NEMP2: variants seen among roughly 807,000 people sequenced by gnomAD.
The protein encoded by NEMP2 is nuclear envelope integral membrane protein 2.
NEMP2 carries 53 observed loss-of-function variants against 54.2 expected under a neutral mutation model. The ratio of observed to expected loss-of-function variants is 0.98; its 90% CI spans 0.78 to 1.23. NEMP2 has a LOEUF of 1.23. Ranked by LOEUF, NEMP2 falls within the 50% of genes most tolerant of loss-of-function variation. The probability of loss-of-function intolerance (pLI) is 0.00; values close to 1 mark genes in which losing one functional copy is unlikely to be tolerated. For synonymous variants in NEMP2, 197 were observed against 190.3 expected (o/e 1.04, Z -0.29); for missense variants, 455 against 511.3 (o/e 0.89, Z 1.06).
chr2:190,463,787 T>C, the NEMP2 span: 18 of 798,106 alleles, frequency 2.3e-5, no homozygotes, highest in Non-Finnish European at 2.7e-5. This position sits in a 1 kb window ranked among gnomAD's most constrained non-coding sequence, Gnocchi z 4.4. Context: ...GCTACTGCAC[T>C]CCAGCCTGGG....
chr2:190,538,318 G>A (rs890779772), upstream of NEMP2, among the ~76,000 whole-genome samples: 1 of 151,918 alleles, frequency 6.6e-6, no homozygotes, highest in African/African-American at 2.4e-5. The surrounding 1 kb of genome is among the most constrained non-coding windows in gnomAD (Gnocchi z 4.1). Context: ...TTTTTTTTAT[G>A]GCTGAATAAT....
chr2:190,561,221 C>T, the NEMP2 span, among the ~76,000 whole-genome samples: 1 of 152,144 alleles, frequency 6.6e-6, no homozygotes, highest in Non-Finnish European at 1.5e-5. This position sits in a 1 kb window ranked among gnomAD's most constrained non-coding sequence, Gnocchi z 5.4. Flanking sequence ...CTCCAATCAT[C>T]CTACTTGAGA....
the NEMP2 span, among the ~76,000 whole-genome samples, chr2:190,623,961 C>A: frequency 6.6e-6 from 1 of 152,206 alleles, no homozygotes; most frequent in South Asian, 2.1e-4. Context: ...TAGAAAGATT[C>A]AACTCTATAG....
chr2:190,545,799 T>C, the NEMP2 span, among the ~76,000 whole-genome samples: 2 of 152,212 alleles, frequency 1.3e-5, no homozygotes, highest in Non-Finnish European at 2.9e-5. Context: ...TCTCTTTCTT[T>C]TTCTTTTTTA....
At chr2:190,438,174 C>A in the NEMP2 span, among the ~76,000 whole-genome samples, 6 of 150,224 alleles carry the variant, frequency 4.0e-5, no homozygotes, top group East Asian at 1.2e-3. The surrounding 1 kb of genome is among the most constrained non-coding windows in gnomAD (Gnocchi z 5.2). Flanking sequence ...ATTTGAAAAT[C>A]TTTCTTCCAC....
At chr2:190,588,139 T>C in the NEMP2 span, among the ~76,000 whole-genome samples, 1 of 152,134 alleles carries the variant, frequency 6.6e-6, no homozygotes. The surrounding 1 kb of genome is among the most constrained non-coding windows in gnomAD (Gnocchi z 5.0). Flanking sequence ...TTAAATCCAG[T>C]TGGAGATGGC....
the NEMP2 span, among the ~76,000 whole-genome samples, chr2:190,568,858 A>C: frequency 1.3e-5 from 2 of 152,122 alleles, no homozygotes; most frequent in Non-Finnish European, 2.9e-5. The surrounding 1 kb of genome is among the most constrained non-coding windows in gnomAD (Gnocchi z 4.7). Context: ...AAAACTCAAT[A>C]ATTATCAGAG....
the NEMP2 span, among the ~76,000 whole-genome samples, chr2:190,460,595 A>T: frequency 6.6e-6 from 1 of 152,256 alleles, no homozygotes. Flanking sequence ...GCATAATATG[A>T]AAGTCCTCAC....
chr2:190,624,128 T>TG, the NEMP2 span, among the ~76,000 whole-genome samples: 1 of 151,934 alleles, frequency 6.6e-6, no homozygotes, highest in African/African-American at 2.4e-5. Flanking sequence ...AAAAAGGAGT[T>TG]GGGGGGCAAA....
the NEMP2 span, among the ~76,000 whole-genome samples, chr2:190,466,017 C>T: frequency 3.3e-5 from 5 of 152,186 alleles, no homozygotes; most frequent in South Asian, 2.1e-4. Context: ...GCAAAAAGTC[C>T]GAGATCAATT....
At chr2:190,497,439 A>G in the NEMP2 span, 1 of 1,613,060 alleles carries the variant, frequency 6.2e-7, no homozygotes, top group East Asian at 2.2e-5. The surrounding 1 kb of genome is among the most constrained non-coding windows in gnomAD (Gnocchi z 5.2). Context: ...TTCTCTCCAG[A>G]CAAGACAATG....
chr2:190,615,243 C>G, the NEMP2 span, among the ~76,000 whole-genome samples: 2 of 152,152 alleles, frequency 1.3e-5, no homozygotes, highest in Non-Finnish European at 1.5e-5. The surrounding 1 kb of genome is among the most constrained non-coding windows in gnomAD (Gnocchi z 4.7). Context: ...TGCTCCTGAC[C>G]GAGAAGCTAC....
At chr2:190,475,488 G>A in the NEMP2 span, among the ~76,000 whole-genome samples, 4 of 152,034 alleles carry the variant, frequency 2.6e-5, no homozygotes, top group African/African-American at 9.7e-5. Flanking sequence ...AAAATACCTA[G>A]GAATCCAACT....
At chr2:190,580,343 T>C in the NEMP2 span, among the ~76,000 whole-genome samples, 3 of 152,144 alleles carry the variant, frequency 2.0e-5, no homozygotes. This position sits in a 1 kb window ranked among gnomAD's most constrained non-coding sequence, Gnocchi z 5.3. Context: ...TAGTGGCGAA[T>C]ATAAGAGTTC....
chr2:190,497,796 C>T, the NEMP2 span: 2 of 1,457,062 alleles, frequency 1.4e-6, no homozygotes, highest in Non-Finnish European at 1.9e-6. This position sits in a 1 kb window ranked among gnomAD's most constrained non-coding sequence, Gnocchi z 5.2. Context: ...TAATTACTCA[C>T]TTTTCATTCA....
the NEMP2 span, among the ~76,000 whole-genome samples, chr2:190,478,921 A>G: frequency 6.6e-6 from 1 of 152,070 alleles, no homozygotes; most frequent in South Asian, 2.1e-4. Flanking sequence ...ACTGTCTAGT[A>G]CTATCTAGAG....
rs1041034066 is a variant in NEMP2, at chr2:190,522,303, G to A, written c.213+2960C>T. On this transcript the variant is annotated intron_variant, in intron 2 of 8. Transcript: ENST00000409150. The surrounding 1 kb of genome is among the most constrained non-coding windows in gnomAD (Gnocchi z 5.0). Reference sequence around the variant, plus strand: ...CACTAGTTGGGGGATGGGTTCAGTAGAGCCCAAACCCCAGCATTACACAAT... The same window carrying A: ...CACTAGTTGGGGGATGGGTTCAGTAAAGCCCAAACCCCAGCATTACACAAT... Among the ~76,000 whole-genome samples, 1 of 151,918 alleles carries A rather than the reference G, an allele frequency of 6.6e-6. No individual in the cohort carries two copies. Among genetic ancestry groups the A allele is most frequent in the Non-Finnish European group, 1.5e-5 (1 of 68,012 alleles).
rs183345241 is a variant in NEMP2 at position 190,505,284 on chromosome 2, A to G, written c.*3905T>C. On this transcript the variant is annotated 3_prime_UTR_variant, in exon 9 of 9. Coordinates refer to ENST00000409150, the MANE Select transcript of NEMP2 (RefSeq NM_001142645.2). The surrounding 1 kb of genome is among the most constrained non-coding windows in gnomAD (Gnocchi z 5.8). ...GAATTCTGATTCTACCACTTTAGCT[A>G]TATGTGTCCTTCAGCAACTTTCTCC... is the stretch of plus-strand genomic sequence containing the variant. 2.6e-5 allele frequency: 4 copies of G among 152,292 alleles called. No homozygotes were observed. Among genetic ancestry groups the G allele is most frequent in the Non-Finnish European group, 5.9e-5 (4 of 68,014 alleles). 9.4% of individuals were successfully genotyped at this position (152,292 alleles called of 1,614,324 possible).
the NEMP2 span, chr2:190,488,888 T>C: frequency 1.5e-6 from 2 of 1,371,854 alleles, no homozygotes; most frequent in South Asian, 1.6e-5. This position sits in a 1 kb window ranked among gnomAD's most constrained non-coding sequence, Gnocchi z 6.4. Context: ...AATACCTCAA[T>C]AAACAATCCA....
Sources: allele counts gnomAD v4.1 joint callset (sites outside exome capture counted in the v4.1 genomes callset), GRCh38; gene constraint gnomAD v4.1.1; non-coding constraint Gnocchi (gnomAD v3.1); transcripts MANE v1.5; gene names NCBI Gene and HGNC (gene_info 2026-07-23, HGNC 2026-07-21).